The following CPQ variants were observed in gnomAD, a reference collection of about 807,000 sequenced individuals.
CPQ encodes Ser-Met dipeptidase.
In CPQ, 37 loss-of-function variants were observed where a neutral mutation model predicts 45.7. That is an observed-to-expected ratio of 0.81 (90% CI 0.62 to 1.07). CPQ has a LOEUF of 1.07. CPQ is among the 50% of genes least tolerant of loss of function. The pLI, the probability that CPQ is intolerant of heterozygous loss-of-function variation, is 0.00. For missense variants in CPQ, 537 were observed against 572.9 expected (o/e 0.94, Z 0.64); for synonymous variants, 186 against 205.8 (o/e 0.90, Z 0.82).
chr8:96,792,811 A>G (rs1810867180), intron 2 of CPQ, among the ~76,000 whole-genome samples: 1 of 152,172 alleles, frequency 6.6e-6, no homozygotes, highest in South Asian at 2.1e-4. Context: ...GCTGCTATGA[A>G]GTAATACTAA....
chr8:96,802,072 CTCTT>C (rs1008462391), intron 2 of CPQ, among the ~76,000 whole-genome samples: 1 of 151,990 alleles, frequency 6.6e-6, no homozygotes, highest in African/African-American at 2.4e-5. Context: ...TACTAATCAC[CTCTT>C]TCTTTCTCTT....
At chr8:97,118,826 A>G (rs1266870814) in intron 7 of CPQ, among the ~76,000 whole-genome samples, 3 of 152,218 alleles carry the variant, frequency 2.0e-5, no homozygotes, top group Non-Finnish European at 4.4e-5. Flanking sequence ...ATATACACAC[A>G]TAATATATAA....
At position 97,143,291 on chromosome 8, in the gene CPQ, A is replaced by ATGAAATAGAGTTGTG; in HGVS notation, c.*108_*109insTGAAATAGAGTTGTG. On this transcript the variant is annotated 3_prime_UTR_variant, in exon 8 of 8. Coordinates refer to ENST00000220763, the MANE Select transcript of CPQ (RefSeq NM_016134.4). Reference sequence around the variant, plus strand: ...ATTTCATCCAATTCATCTTCAAAGCACAACTCTATTTCATGCTTTCTGTTA... The same window carrying ATGAAATAGAGTTGTG: ...ATTTCATCCAATTCATCTTCAAAGCATGAAATAGAGTTGTGCAACTCTATTTCATGCTTTCTGTTA... 2.0e-6 allele frequency: 2 copies of ATGAAATAGAGTTGTG among 1,010,926 alleles called. No individual in the cohort carries two copies. The highest frequency in any genetic ancestry group is 1.5e-6 in the Non-Finnish European group (1 of 683,304). The allele number at this position is 1,010,926 out of a possible 1,614,324, so 62.6% of individuals were successfully genotyped here.
intron 3 of CPQ, among the ~76,000 whole-genome samples, chr8:96,873,130 C>T (rs887646310): frequency 5.3e-5 from 8 of 151,846 alleles, no homozygotes; most frequent in Middle Eastern, 3.4e-3. Flanking sequence ...CTGAGATTTG[C>T]GGATGAACAT....
chr8:96,845,507 AT>A (rs924391979), intron 3 of CPQ, among the ~76,000 whole-genome samples: 1 of 152,066 alleles, frequency 6.6e-6, no homozygotes, highest in Non-Finnish European at 1.5e-5. Context: ...AGCACCACAG[AT>A]TTTTTTCTCA....
At chr8:97,049,108 T>G (rs1810310809) in intron 6 of CPQ, among the ~76,000 whole-genome samples, 1 of 152,220 alleles carries the variant, frequency 6.6e-6, no homozygotes, top group African/African-American at 2.4e-5. Flanking sequence ...TACATGGAAG[T>G]GACATGAGTG....
At chr8:96,966,123 C>T (rs1813555798) in intron 5 of CPQ, 77 bp downstream of exon 5, 3 of 995,114 alleles carry the variant, frequency 3.0e-6, no homozygotes, top group Non-Finnish European at 3.1e-6. Context: ...AAATACTTAA[C>T]AGATTAGTTA....
chr8:96,788,359 C>G (rs1810802455), intron 2 of CPQ, among the ~76,000 whole-genome samples: 1 of 151,938 alleles, frequency 6.6e-6, no homozygotes, highest in African/African-American at 2.4e-5. Context: ...GCAGTTTCAC[C>G]ATTTTGGACA....
intron 7 of CPQ, among the ~76,000 whole-genome samples, chr8:97,130,183 C>T (rs542481429): frequency 2.0e-5 from 3 of 152,284 alleles, no homozygotes; most frequent in Non-Finnish European, 2.9e-5. Flanking sequence ...AAGGACAGCA[C>T]GCTTTCCTCT....
chr8:96,716,997 T>G (rs1426378154), intron 1 of CPQ, among the ~76,000 whole-genome samples: 2 of 138,948 alleles, frequency 1.4e-5, no homozygotes, highest in Non-Finnish European at 3.1e-5. Flanking sequence ...CGTTCCTTTT[T>G]ATGGCTGAGC....
chr8:97,141,643 A>G (rs1052744898), intron 7 of CPQ, among the ~76,000 whole-genome samples: 5 of 152,192 alleles, frequency 3.3e-5, no homozygotes, highest in African/African-American at 7.2e-5. Context: ...CACATACTCT[A>G]TAGCCCAGCA....
At chr8:96,866,176 C>A (rs1023813659) in intron 3 of CPQ, among the ~76,000 whole-genome samples, 1 of 151,992 alleles carries the variant, frequency 6.6e-6, no homozygotes, top group African/African-American at 2.4e-5. Context: ...TTAATTTAAC[C>A]CATGAGTCCT....
chr8:96,767,635 C>CTT (rs1172189500), intron 1 of CPQ, among the ~76,000 whole-genome samples: 2,586 of 39,306 alleles, frequency 0.066, 821 homozygotes, highest in African/African-American at 0.12. Flanking sequence ...GTTACCTATG[C>CTT]TTTTTTTTTT....
At chr8:96,693,344 A>G (rs1416452849) in intron 1 of CPQ, among the ~76,000 whole-genome samples, 1 of 152,094 alleles carries the variant, frequency 6.6e-6, no homozygotes, top group Non-Finnish European at 1.5e-5. Flanking sequence ...AGAGAAAGAT[A>G]TCAATATTCA....
chr8:96,848,691 G>A (rs1462179369), intron 3 of CPQ, among the ~76,000 whole-genome samples: 1 of 152,138 alleles, frequency 6.6e-6, no homozygotes, highest in Non-Finnish European at 1.5e-5. Flanking sequence ...TTTTAGGATT[G>A]TTGTCAAATT....
intron 7 of CPQ, among the ~76,000 whole-genome samples, chr8:97,097,549 T>C (rs557946800): frequency 6.6e-6 from 1 of 152,308 alleles, no homozygotes; most frequent in South Asian, 2.1e-4. Flanking sequence ...CAGAATTCAA[T>C]GGCCTCTGTC....
intron 5 of CPQ, among the ~76,000 whole-genome samples, chr8:97,017,017 C>T (rs1453797256): frequency 6.6e-6 from 1 of 152,144 alleles, no homozygotes; most frequent in African/African-American, 2.4e-5. Context: ...AACCCATAGA[C>T]CCTCTGAAGG....
chr8:96,846,591 CTG>C, intron 3 of CPQ, among the ~76,000 whole-genome samples: 2 of 152,130 alleles, frequency 1.3e-5, no homozygotes, highest in South Asian at 4.1e-4. Flanking sequence ...CTCTCTCTCT[CTG>C]TTTCTGGATC....
rs368463725 is a variant in CPQ at position 97,044,967 on chromosome 8, A to G, written c.1053+15473A>G. Among the ~76,000 whole-genome samples the G allele has an allele frequency of 2.8e-3, 427 of 152,208 alleles. 1 individual carries two copies. Among genetic ancestry groups the G allele is most frequent in the Middle Eastern group, 0.024 (7 of 294 alleles). ...ACCCACTTGAGGAGGCAGTCTGCCC[A>G]TTCTCAGATCTCCAGCTGCGTGCTG... is the stretch of plus-strand genomic sequence containing the variant. On this transcript the variant is annotated intron_variant, in intron 6 of 7. Transcript: ENST00000220763.
Sources: gnomAD v4.1 joint callset for allele counts (sites outside exome capture counted in the v4.1 genomes callset) on GRCh38, gnomAD v4.1.1 for gene constraint, MANE v1.5 for transcripts, NCBI Gene and HGNC (gene_info 2026-07-23, HGNC 2026-07-21) for gene names.